The following ADGRL2 variants were observed in gnomAD, a reference collection of about 807,000 sequenced individuals.
The protein encoded by ADGRL2 is adhesion G protein-coupled receptor L2.
Under a neutral mutation model 157.4 loss-of-function variants are expected in ADGRL2, and 44 were observed. That is an observed-to-expected ratio of 0.28 (90% CI 0.22 to 0.36). ADGRL2 has a LOEUF of 0.36. Ranked by LOEUF, ADGRL2 falls within the 10% of genes least tolerant of loss-of-function variation. The pLI is 1.00. For missense variants in ADGRL2, 1,510 were observed against 1,768.9 expected (o/e 0.85, Z 2.63); for synonymous variants, 585 against 624.7 (o/e 0.94, Z 0.95).
chr1:81,967,530 G>A (rs1251575933), intron 13 of ADGRL2, among the ~76,000 whole-genome samples: 2 of 152,174 alleles, frequency 1.3e-5, no homozygotes, highest in East Asian at 3.9e-4. Flanking sequence ...CAAAGTGCTG[G>A]GATTACAGGC....
chr1:81,824,486 A>G (rs1336625263), intron 1 of ADGRL2, among the ~76,000 whole-genome samples: 1 of 151,658 alleles, frequency 6.6e-6, no homozygotes, highest in East Asian at 2.0e-4. Flanking sequence ...ATTTGCCTAG[A>G]CTGAACTTGA....
At chr1:81,525,209 C>T (rs1178962221) in intron 2 of ADGRL2, among the ~76,000 whole-genome samples, 1 of 152,146 alleles carries the variant, frequency 6.6e-6, no homozygotes, top group East Asian at 1.9e-4. Flanking sequence ...GAGAGTGGCT[C>T]ACCTCTCTTC....
intron 6 of ADGRL2, among the ~76,000 whole-genome samples, chr1:81,945,411 GA>G (rs1353325242): frequency 6.6e-6 from 1 of 150,434 alleles, no homozygotes; most frequent in Middle Eastern, 3.4e-3. Flanking sequence ...GTCATCCTCA[GA>G]AAAAAAAGAA....
intron 2 of ADGRL2, among the ~76,000 whole-genome samples, chr1:81,579,143 C>T (rs1330769422): frequency 1.3e-5 from 2 of 152,126 alleles, no homozygotes; most frequent in Non-Finnish European, 2.9e-5. Flanking sequence ...TGCTCAAATT[C>T]CACCAAGGGG....
chr1:81,856,916 A>G (rs887718008), intron 2 of ADGRL2, among the ~76,000 whole-genome samples: 1 of 152,208 alleles, frequency 6.6e-6, no homozygotes, highest in African/African-American at 2.4e-5. Context: ...AATAATAAAC[A>G]TGAGTAAAGT....
At chr1:81,987,653 T>G (rs560719514) in intron 22 of ADGRL2, among the ~76,000 whole-genome samples, 2 of 151,438 alleles carry the variant, frequency 1.3e-5, no homozygotes, top group African/African-American at 4.8e-5. Flanking sequence ...TAAATAAAAG[T>G]ATATATATAT....
At chr1:81,651,289 G>T (rs535290775) in intron 3 of ADGRL2, among the ~76,000 whole-genome samples, 57 of 152,264 alleles carry the variant, frequency 3.7e-4, no homozygotes, top group African/African-American at 1.3e-3. Context: ...CAAAATGTAT[G>T]ATTCCTATCA....
At chr1:81,717,926 A>C (rs1357791878) in intron 1 of ADGRL2, among the ~76,000 whole-genome samples, 1 of 152,224 alleles carries the variant, frequency 6.6e-6, no homozygotes, top group Non-Finnish European at 1.5e-5. Flanking sequence ...TTACCCTTAC[A>C]TGTCATCACA....
At chr1:81,828,506 C>G (rs2091687284) in intron 1 of ADGRL2, among the ~76,000 whole-genome samples, 1 of 151,832 alleles carries the variant, frequency 6.6e-6, no homozygotes, top group South Asian at 2.1e-4. Flanking sequence ...ATTTTAAAAA[C>G]CATTAAAATG....
chr1:81,459,729 T>C (rs936321607), intron 2 of ADGRL2, among the ~76,000 whole-genome samples: 1 of 150,342 alleles, frequency 6.7e-6, no homozygotes, highest in Admixed American at 6.6e-5. Flanking sequence ...TACACACACA[T>C]ACACACACAT....
chr1:81,623,147 A>G (rs2081834621), intron 3 of ADGRL2, among the ~76,000 whole-genome samples: 1 of 152,156 alleles, frequency 6.6e-6, no homozygotes, highest in African/African-American at 2.4e-5. Flanking sequence ...TGGTACTTGG[A>G]CATACTTTGA....
chr1:81,561,194 A>T (rs1444651079), intron 2 of ADGRL2, among the ~76,000 whole-genome samples: 2 of 151,818 alleles, frequency 1.3e-5, no homozygotes, highest in African/African-American at 2.4e-5. Context: ...TAACACATAT[A>T]TTCATTATGC....
intron 2 of ADGRL2, among the ~76,000 whole-genome samples, chr1:81,561,878 AG>A (rs749134794): frequency 3.3e-5 from 5 of 152,202 alleles, no homozygotes; most frequent in African/African-American, 7.2e-5. Flanking sequence ...AAACATACAA[AG>A]CTTAGAAGAG....
chr1:81,458,166 A>C (rs2077844960), intron 2 of ADGRL2, among the ~76,000 whole-genome samples: 1 of 152,342 alleles, frequency 6.6e-6, no homozygotes, highest in East Asian at 1.9e-4. Flanking sequence ...TTTGGCAAAT[A>C]GACCTGAAAA....
At chr1:81,600,266 T>G (rs2088520846) in intron 3 of ADGRL2, among the ~76,000 whole-genome samples, 1 of 152,248 alleles carries the variant, frequency 6.6e-6, no homozygotes, top group Non-Finnish European at 1.5e-5. Flanking sequence ...CCTTGAATTG[T>G]AAACTAACCC....
chr1:81,340,159 A>G (rs1661965020), intron 1 of ADGRL2, among the ~76,000 whole-genome samples: 10 of 152,316 alleles, frequency 6.6e-5, no homozygotes. Context: ...TTGGGAAGCT[A>G]TGTGTTAACA....
Position 81,982,567 on chromosome 1 carries a change from T to C in ADGRL2, c.3282+591T>C, listed in dbSNP as rs72945001. Reference sequence around the variant, plus strand: ...GGGAATTGCTTAGGTGCTATTTAAGTATAAAATTTCCATACCTTTCACTGG... The same window carrying C: ...GGGAATTGCTTAGGTGCTATTTAAGCATAAAATTTCCATACCTTTCACTGG... On this transcript the variant is annotated intron_variant, in intron 19 of 23. Transcript: ENST00000686636. 5.2e-3 allele frequency among the ~76,000 whole-genome samples: 791 copies of C among 152,072 alleles called. 11 individuals carry two copies. The highest frequency in any genetic ancestry group is 0.018 in the African/African-American group (767 of 41,524).
At chr1:81,938,211 T>C (rs1171532508) in intron 4 of ADGRL2, among the ~76,000 whole-genome samples, 1 of 151,734 alleles carries the variant, frequency 6.6e-6, no homozygotes, top group Non-Finnish European at 1.5e-5. Flanking sequence ...TTGTATTCTT[T>C]TGACCTAACC....
intron 2 of ADGRL2, among the ~76,000 whole-genome samples, chr1:81,847,975 C>T (rs1409421332): frequency 6.6e-6 from 1 of 151,666 alleles, no homozygotes; most frequent in East Asian, 1.9e-4. Flanking sequence ...GATGGAAGTA[C>T]TTGATTGTTA....
Sources: allele counts gnomAD v4.1 joint callset (sites outside exome capture counted in the v4.1 genomes callset), GRCh38; gene constraint gnomAD v4.1.1; transcripts MANE v1.5; gene names NCBI Gene and HGNC (gene_info 2026-07-23, HGNC 2026-07-21).